Variants in ADAMTSL1 observed in about 807,000 individuals in gnomAD.
ADAMTSL1 encodes ADAMTS like 1, also known as ADAMTS-like protein 1.
A neutral mutation model predicts 201.8 loss-of-function variants in ADAMTSL1; 126 were observed. The ratio of observed to expected loss-of-function variants is 0.62; its 90% CI spans 0.54 to 0.72. The LOEUF (loss-of-function observed/expected upper bound fraction) is 0.72, where lower values mean the gene tolerates loss of function less well. Ranked by LOEUF, ADAMTSL1 falls within the 30% of genes least tolerant of loss-of-function variation. The probability of loss-of-function intolerance (pLI) is 0.00; values close to 1 mark genes in which losing one functional copy is unlikely to be tolerated. For missense variants in ADAMTSL1, 2,679 were observed against 2,277.8 expected, an observed-to-expected ratio of 1.18 and a Z score of -3.59; for synonymous variants, 1,121 against 903.4, an observed-to-expected ratio of 1.24 and a Z score of -4.32.
rs142830550 is a variant in ADAMTSL1 at position 18,309,174 on chromosome 9, A to G, written c.207+145193A>G. ...AAAACTGTCAATAAACTAGGTATTA[A>G]TGAAATGTATCTCAAAATAATAAGA... On this transcript the variant is annotated intron_variant, in intron 2 of 29. Transcript: ENST00000680146. Among the ~76,000 whole-genome samples the G allele has an allele frequency of 4.9e-3, 740 of 152,318 alleles. 8 individuals carry two copies. The highest frequency in any genetic ancestry group is 0.017 in the African/African-American group (714 of 41,588).
chr9:18,486,390 A>C lies in ADAMTSL1; in HGVS notation c.63+12095A>C, dbSNP rs574272279. ...ATTCACTCTCAGCGAGCTTTTAAAA[A>C]TAGAGGCTATTTCAAAAGGGCAATC... On this transcript the variant is annotated intron_variant, in intron 1 of 28. Coordinates refer to ENST00000380548, the MANE Select transcript of ADAMTSL1 (RefSeq NM_001040272.6). Among the ~76,000 whole-genome samples the C allele has an allele frequency of 3.9e-5, 6 of 152,326 alleles. No homozygotes were observed. The South Asian group carries it at 1.2e-3, about 32-fold the overall frequency.
Position 18,668,035 on chromosome 9 carries a change from CA to C in ADAMTSL1, c.1085+5972del, listed in dbSNP as rs879345864. Among the ~76,000 whole-genome samples the C allele has an allele frequency of 8.4e-5, 12 of 143,580 alleles. No homozygotes were observed. In the South Asian group the frequency reaches 8.8e-4, roughly 11 times the overall value. The allele number at this position is 143,580 out of a possible 152,430, so 94.2% of individuals were successfully genotyped here. ...ATGGGACTTAGGCCAGGTATGTCTC[CA>C]AAAAAAAAACTCAGTGTAAGGACAA... On this transcript the variant is annotated intron_variant, in intron 9 of 28. Transcript: ENST00000380548.
intron 15 of ADAMTSL1, among the ~76,000 whole-genome samples, chr9:18,747,232 G>T (rs1303854350): frequency 1.3e-5 from 2 of 152,170 alleles, no homozygotes; most frequent in African/African-American, 4.8e-5. Context: ...CTTTGGACAG[G>T]TTACCTAACC....
At chr9:18,269,588 C>A (rs1051821079) in intron 2 of ADAMTSL1, among the ~76,000 whole-genome samples, 1 of 152,034 alleles carries the variant, frequency 6.6e-6, no homozygotes, top group Non-Finnish European at 1.5e-5. Flanking sequence ...AACATAGAAC[C>A]AATTAGATCA....
At chr9:18,865,318 G>T (rs999821625) in intron 23 of ADAMTSL1, among the ~76,000 whole-genome samples, 8 of 151,836 alleles carry the variant, frequency 5.3e-5, no homozygotes, top group Non-Finnish European at 1.5e-5. Flanking sequence ...GCAATAGTTT[G>T]CTGAGAATGA....
rs75922368 is a variant in ADAMTSL1 at position 18,515,894 on chromosome 9, T to A, written c.191+10938T>A. 2.2e-3 allele frequency among the ~76,000 whole-genome samples: 336 copies of A among 152,222 alleles called. 2 individuals carry two copies. The highest frequency in any genetic ancestry group is 7.4e-3 in the African/African-American group (307 of 41,546). ...TTATTAATTAAGCCTACAAACATGA[T>A]CCTTTAAGCTTCCAGCTTGTTGGTG... On this transcript the variant is annotated intron_variant, in intron 2 of 28. Transcript: ENST00000380548.
chr9:18,263,379 C>G (rs531110133), intron 2 of ADAMTSL1, among the ~76,000 whole-genome samples: 1 of 152,236 alleles, frequency 6.6e-6, no homozygotes, highest in African/African-American at 2.4e-5. Context: ...ATTTTTCGGG[C>G]TTTCCCCCTT....
intron 2 of ADAMTSL1, among the ~76,000 whole-genome samples, chr9:18,263,300 T>G (rs1276364473): frequency 1.3e-5 from 2 of 152,218 alleles, no homozygotes; most frequent in Admixed American, 1.3e-4. Context: ...CTAACATTAT[T>G]GAAACTCCAG....
intron 1 of ADAMTSL1, among the ~76,000 whole-genome samples, chr9:18,496,549 C>G (rs1193653440): frequency 6.6e-6 from 1 of 152,160 alleles, no homozygotes; most frequent in Non-Finnish European, 1.5e-5. Context: ...CTACCAAAAC[C>G]AAAAGCTGAC....
chr9:17,916,418 GGTTGTCTTCTAGA>G (rs1319509111), intron 1 of ADAMTSL1, among the ~76,000 whole-genome samples: 1 of 152,144 alleles, frequency 6.6e-6, no homozygotes, highest in Non-Finnish European at 1.5e-5. Context: ...AAATTACAGA[GGTTGTCTTCTAGA>G]AGTTTTATAG....
intron 9 of ADAMTSL1, among the ~76,000 whole-genome samples, chr9:18,671,702 A>AT (rs1587854637): frequency 6.6e-6 from 1 of 152,212 alleles, no homozygotes; most frequent in Non-Finnish European, 1.5e-5. Context: ...AGATTCACTG[A>AT]GAGAAACCCT....
chr9:18,401,238 G>C (rs1817972367), intron 2 of ADAMTSL1, among the ~76,000 whole-genome samples: 1 of 152,218 alleles, frequency 6.6e-6, no homozygotes, highest in South Asian at 2.1e-4. Flanking sequence ...CAGTTCATTA[G>C]CTTTCCACCT....
At chr9:18,888,395 G>C (rs75858092) in intron 24 of ADAMTSL1, among the ~76,000 whole-genome samples, 4,361 of 152,294 alleles carry the variant, frequency 0.029, 130 homozygotes, top group South Asian at 0.13. Context: ...CACACACACA[G>C]AGTAGCCTGT....
chr9:18,186,213 A>T (rs910474500), intron 2 of ADAMTSL1, among the ~76,000 whole-genome samples: 4 of 152,158 alleles, frequency 2.6e-5, no homozygotes, highest in Admixed American at 2.0e-4. Context: ...TTTTCCTTAG[A>T]TTGTAAGGTA....
intron 2 of ADAMTSL1, among the ~76,000 whole-genome samples, chr9:18,506,833 G>C (rs35770069): frequency 0.17 from 26,042 of 151,998 alleles, 2,369 homozygotes; most frequent in Non-Finnish European, 0.19. Flanking sequence ...GGCGGAGGTT[G>C]ACTACCCATT....
chr9:18,267,299 C>T lies in ADAMTSL1; in HGVS notation c.207+103318C>T, dbSNP rs1832156918. Among the ~76,000 whole-genome samples the T allele has an allele frequency of 2.0e-5, 3 of 152,228 alleles. No homozygotes were observed. In the South Asian group the frequency reaches 6.2e-4, roughly 32 times the overall value. On this transcript the variant is annotated intron_variant, in intron 2 of 29. Coordinates refer to the ADAMTSL1 transcript ENST00000680146. ...TCATAGTATGAGTATCAGCCAAGCT[C>T]AGTTCCAGATGGTATTTAAAGGGTA... is the stretch of plus-strand genomic sequence containing the variant.
chr9:18,098,847 G>C (rs1333953962), intron 1 of ADAMTSL1, among the ~76,000 whole-genome samples: 1 of 152,070 alleles, frequency 6.6e-6, no homozygotes, highest in Non-Finnish European at 1.5e-5. Flanking sequence ...GCTTAGCTAG[G>C]ACTCCAGCTC....
chr9:17,939,296 C>CT (rs34204258), intron 1 of ADAMTSL1, among the ~76,000 whole-genome samples: 2 of 149,986 alleles, frequency 1.3e-5, no homozygotes, highest in African/African-American at 4.9e-5. Context: ...TCATTAGAAA[C>CT]TTTTTTTTTT....
intron 2 of ADAMTSL1, among the ~76,000 whole-genome samples, chr9:18,392,320 A>T (rs1838086187): frequency 6.6e-6 from 1 of 152,210 alleles, no homozygotes; most frequent in Admixed American, 6.5e-5. Flanking sequence ...GTTAATAAAG[A>T]GGCACTCACT....
Sources: gnomAD v4.1 joint callset for allele counts (sites outside exome capture counted in the v4.1 genomes callset) on GRCh38, gnomAD v4.1.1 for gene constraint, MANE v1.5 for transcripts, NCBI Gene and HGNC (gene_info 2026-07-23, HGNC 2026-07-21) for gene names.